Variants in PPP1R12C observed in about 807,000 individuals in gnomAD.
PPP1R12C encodes leukocyte receptor cluster (LRC) encoded novel gene 3.
Under a neutral mutation model 95.6 loss-of-function variants are expected in PPP1R12C, and 48 were observed. The observed-to-expected ratio is 0.50, with a 90% CI of 0.40 to 0.64. The LOEUF is 0.64. Among genes scored for constraint, PPP1R12C ranks in the 30% least tolerant of loss-of-function variants. The probability of loss-of-function intolerance (pLI) is 0.00; values close to 1 mark genes in which losing one functional copy is unlikely to be tolerated. For missense variants in PPP1R12C, 1,057 were observed against 1,083.3 expected (o/e 0.98, Z 0.34); for synonymous variants, 480 against 460.8 (o/e 1.04, Z -0.53).
intron 3 of PPP1R12C, among the ~76,000 whole-genome samples, chr19:55,104,207 C>CAG (rs1377868989): frequency 7.4e-6 from 1 of 135,202 alleles, no homozygotes; most frequent in Non-Finnish European, 1.6e-5. Context: ...TATACACACA[C>CAG]ACACACATAC....
rs1353661479 is a variant in PPP1R12C at position 55,092,815 on chromosome 19, T to G, written c.1879A>C (p.Lys627Gln). ...GGCCCCCTCCACTCCTTTCCGACCT[T>G]GCGGTGCTCCCTGGCCGCCTGCGGT... ...PGPQAAREHRKVGKEWRGPAE... is the reference protein window; with the variant it reads ...PGPQAAREHRQVGKEWRGPAE... The change falls in exon 16 of 22, where the codon AAG becomes CAG. Residue 627 changes from lysine to glutamine, a missense_variant. By Grantham distance (53) the Lys-to-Gln change is moderately conservative. This residue lies in a region of PPP1R12C where 347 missense variants were observed against 307.9 expected (regional missense o/e 1.13). Coordinates refer to ENST00000263433, the MANE Select transcript of PPP1R12C (RefSeq NM_017607.4). 6.4e-7 allele frequency: 1 copy of G among 1,563,872 alleles called. No individual in the cohort carries two copies. Among genetic ancestry groups the G allele is most frequent in the Non-Finnish European group, 8.7e-7 (1 of 1,154,468 alleles).
At chr19:55,113,060 G>A (rs2085115642) in intron 1 of PPP1R12C, 1 of 571,588 alleles carries the variant, frequency 1.7e-6, no homozygotes, top group Non-Finnish European at 3.1e-6. Flanking sequence ...GAAGGGAGGG[G>A]GCTTCTCATC....
intron 19 of PPP1R12C, 129 bp from the exon 20 acceptor site, chr19:55,092,038 C>A: frequency 7.9e-7 from 1 of 1,265,206 alleles, no homozygotes; most frequent in Non-Finnish European, 1.1e-6. Context: ...CGGGCCAGGC[C>A]CCGCCACCGG....
chr19:55,106,007 TC>T (rs1455073429), intron 3 of PPP1R12C, among the ~76,000 whole-genome samples: 1 of 151,970 alleles, frequency 6.6e-6, no homozygotes, highest in East Asian at 1.9e-4. Flanking sequence ...CAGCAATCTT[TC>T]TGTCCCTGTG....
chr19:55,092,172 C>T, intron 19 of PPP1R12C, 50 bp downstream of exon 19: 3 of 1,485,190 alleles, frequency 2.0e-6, no homozygotes, highest in Non-Finnish European at 2.7e-6. Flanking sequence ...GTCTAAGCCC[C>T]ACCCAGGCGG....
At chr19:55,104,739 A>G (rs377762590) in intron 3 of PPP1R12C, among the ~76,000 whole-genome samples, 42 of 151,558 alleles carry the variant, frequency 2.8e-4, no homozygotes, top group African/African-American at 9.2e-4. Context: ...AGGAAAAGTT[A>G]GATGTAATTG....
intron 1 of PPP1R12C, among the ~76,000 whole-genome samples, chr19:55,115,856 G>C (rs1277536496): frequency 1.3e-5 from 2 of 152,148 alleles, no homozygotes; most frequent in South Asian, 4.1e-4. Flanking sequence ...GTCCCAGCTC[G>C]GGGACACAGG....
At chr19:55,094,627 C>T (rs753097909) in intron 12 of PPP1R12C, 34 bp downstream of exon 12, 8 of 1,546,280 alleles carry the variant, frequency 5.2e-6, no homozygotes, top group Non-Finnish European at 6.1e-6. Context: ...CTGCTGGGGG[C>T]GGGGGCGGCA....
intron 3 of PPP1R12C, among the ~76,000 whole-genome samples, chr19:55,107,211 C>A (rs1213278549): frequency 1.3e-5 from 2 of 152,048 alleles, no homozygotes; most frequent in Non-Finnish European, 2.9e-5. Flanking sequence ...GTCAGGAGTT[C>A]AAAACCAACC....
intron 1 of PPP1R12C, chr19:55,113,431 T>C: frequency 6.6e-7 from 1 of 1,504,790 alleles, no homozygotes; most frequent in South Asian, 1.2e-5. Flanking sequence ...TCCAGTTCAC[T>C]GAGGCCCCCT....
intron 1 of PPP1R12C, among the ~76,000 whole-genome samples, chr19:55,116,344 C>T (rs890672915): frequency 3.3e-5 from 5 of 152,014 alleles, no homozygotes; most frequent in African/African-American, 1.2e-4. Context: ...GGGGAGGATC[C>T]GCTCAGAGGA....
Position 55,093,047 on chromosome 19 carries a change from T to A in PPP1R12C, c.1794A>T (p.Gly598=). 1 of 1,595,006 alleles carries A rather than the reference T, an allele frequency of 6.3e-7. No individual in the cohort carries two copies. The highest frequency in any genetic ancestry group is 8.5e-7 in the Non-Finnish European group (1 of 1,170,026). The change falls in exon 15 of 22, where the codon GGA becomes GGT. Residue 598 remains glycine, a synonymous_variant. Coordinates refer to ENST00000263433, the MANE Select transcript of PPP1R12C (RefSeq NM_017607.4). The part of the protein sequence containing the change: ...LDPSRRPRVP[G]VENSDSPAQR... ...GGGCAGGGCTGTCAGAGTTCTCCAC[T>A]CCAGGGACGCGGGGCCTTCGGGAAG... is the stretch of plus-strand genomic sequence containing the variant.
rs777729269 is a variant in PPP1R12C, at chr19:55,096,271, T to C, written c.1016A>G (p.Lys339Arg). The C allele has an allele frequency of 9.3e-6, 15 of 1,613,904 alleles. No homozygotes were observed. The highest frequency in any genetic ancestry group is 1.2e-5 in the Non-Finnish European group (14 of 1,179,942). The change falls in exon 7 of 22, where the codon AAA becomes AGA. Residue 339 changes from lysine (K) to arginine (R), a missense_variant. By Grantham distance (26) the Lys-to-Arg change is conservative (BLOSUM62 2). Transcript: ENST00000263433. ...TCCTCCCTCCCTATACCTTCTGTGT[T>C]TGCTGCTAGAGGGCGCTTGGGGCTC... ...GQEPQAPSSS[K>R]HRRSSVCRLS...
intron 1 of PPP1R12C, chr19:55,115,455 G>A (rs933061920): frequency 4.6e-5 from 7 of 152,422 alleles, no homozygotes; most frequent in African/African-American, 1.7e-4. Context: ...AAACGCACCA[G>A]ACGGCCGCGT....
At position 55,095,546 on chromosome 19, in the gene PPP1R12C, C is replaced by T; in HGVS notation, c.1285G>A (p.Gly429Ser). ...RFGLLKTGSS[G>S]ALGPPERRTA... ...CGCCTTTCAGGGGGACCCAGGGCAC[C>T]AGAACTCCCTGTCTTCAGGAGGCCA... Residue 429 changes from glycine to serine, a missense_variant, in exon 10 of 22, where the codon GGT becomes AGT. Physicochemically the swap from Gly to Ser is moderately conservative, Grantham distance 56 (BLOSUM62 0). Coordinates refer to ENST00000263433, the MANE Select transcript of PPP1R12C (RefSeq NM_017607.4). 6.3e-7 allele frequency: 1 copy of T among 1,593,332 alleles called. No individual in the cohort carries two copies. The highest frequency in any genetic ancestry group is 8.5e-7 in the Non-Finnish European group (1 of 1,170,844).
rs779945093 is a variant in PPP1R12C at position 55,096,194 on chromosome 19, A to G, written c.1026-16T>C. On this transcript the variant is annotated splice_polypyrimidine_tract_variant and intron_variant, in intron 7 of 21. Coordinates refer to ENST00000263433, the MANE Select transcript of PPP1R12C (RefSeq NM_017607.4). ...CACAGAGCTCCTGTTGGGGAAGGAG[A>G]GGGTGCTGGGGTACAAGCCCGGGGC... 3 of 1,608,814 alleles carry G rather than the reference A, an allele frequency of 1.9e-6. No individual in the cohort carries two copies. Among genetic ancestry groups the G allele is most frequent in the Non-Finnish European group, 2.5e-6 (3 of 1,176,670 alleles).
intron 19 of PPP1R12C, 86 bp downstream of exon 19, chr19:55,092,136 C>T: frequency 7.7e-7 from 1 of 1,304,936 alleles, no homozygotes; most frequent in South Asian, 1.4e-5. Flanking sequence ...CGCCGGCACC[C>T]CCAGGCCAGG....
At chr19:55,095,114 G>T in intron 11 of PPP1R12C, 177 bp downstream of exon 11, 2 of 782,438 alleles carry the variant, frequency 2.6e-6, no homozygotes, top group Non-Finnish European at 4.1e-6. Flanking sequence ...AGAAGGTGAC[G>T]TTTCAACACA....
At chr19:55,113,485 T>C in intron 1 of PPP1R12C, 2 of 1,460,964 alleles carry the variant, frequency 1.4e-6, no homozygotes, top group Middle Eastern at 1.8e-4. Context: ...GGCCACCGTT[T>C]CTCATTCTTC....
Sources: gnomAD v4.1 joint callset for allele counts (sites outside exome capture counted in the v4.1 genomes callset) on GRCh38, gnomAD v4.1.1 for gene constraint, gnomAD v4.1.1 regional missense constraint, MANE v1.5 for transcripts, NCBI Gene and HGNC (gene_info 2026-07-23, HGNC 2026-07-21) for gene names.